TMEM230: variants seen among roughly 807,000 people sequenced by gnomAD.
The protein encoded by TMEM230 is transmembrane protein 230, also known as UPF0414 transmembrane protein C20orf30.
TMEM230 carries 10 observed loss-of-function variants against 15.8 expected under a neutral mutation model. The observed-to-expected ratio is 0.63, with a 90% CI of 0.39 to 1.07. TMEM230 has a LOEUF of 1.07. Among genes scored for constraint, TMEM230 ranks in the 50% least tolerant of loss-of-function variants. The pLI, the probability that TMEM230 is intolerant of heterozygous loss-of-function variation, is 0.01. For synonymous variants in TMEM230, 67 were observed against 76.9 expected (o/e 0.87, Z 0.68); for missense variants, 165 against 193.3 (o/e 0.85, Z 0.87).
At chr20:5,102,712 A>T (rs1220817682) in intron 4 of TMEM230, among the ~76,000 whole-genome samples, 1 of 151,602 alleles carries the variant, frequency 6.6e-6, no homozygotes, top group Non-Finnish European at 1.5e-5. Flanking sequence ...AAAAAAAAGA[A>T]TACTAATCCT....
chr20:5,082,257 TC>T (rs1219180418), intron 3 of TMEM230, among the ~76,000 whole-genome samples: 11 of 149,940 alleles, frequency 7.3e-5, no homozygotes, highest in African/African-American at 2.5e-4. Context: ...TCTCTCTTTT[TC>T]GAGACAGGGT....
chr20:5,078,582 T>C (rs1383406294), intron 3 of TMEM230, among the ~76,000 whole-genome samples: 1 of 152,086 alleles, frequency 6.6e-6, no homozygotes, highest in Non-Finnish European at 1.5e-5. Context: ...TCATTATGGG[T>C]CAACGCGGGG....
chr20:5,106,536 T>C (rs2090101129), intron 3 of TMEM230, among the ~76,000 whole-genome samples: 1 of 152,076 alleles, frequency 6.6e-6, no homozygotes, highest in South Asian at 2.1e-4. Flanking sequence ...CCTGAGCAGC[T>C]GGGGTTACAG....
At chr20:5,089,184 C>T (rs2089439168) in intron 3 of TMEM230, among the ~76,000 whole-genome samples, 1 of 151,778 alleles carries the variant, frequency 6.6e-6, no homozygotes, top group African/African-American at 2.4e-5. Flanking sequence ...ACCATCCTGG[C>T]TAACACGGTG....
intron 3 of TMEM230, among the ~76,000 whole-genome samples, chr20:5,108,810 C>G (rs2090195764): frequency 6.6e-6 from 1 of 152,156 alleles, no homozygotes; most frequent in Non-Finnish European, 1.5e-5. Flanking sequence ...TTAATAAATA[C>G]TGTGTTTTAC....
In TMEM230 at chr20:5,100,583, A is replaced by G. The variant is rs767569524; in HGVS notation, c.*208T>C. The G allele has an allele frequency of 3.2e-5, 43 of 1,341,596 alleles. No homozygotes were observed. Among genetic ancestry groups the G allele is most frequent in the African/African-American group, 4.4e-5 (3 of 67,504 alleles). The allele number at this position is 1,341,596 out of a possible 1,614,324, so 83.1% of individuals were successfully genotyped here. On this transcript the variant is annotated 3_prime_UTR_variant, in exon 5 of 5. Coordinates refer to ENST00000342308, the MANE Select transcript of TMEM230 (RefSeq NM_001009923.2). The stretch of plus-strand genomic sequence containing the variant: ...ACATATTCCTGTGGAAAAACTTGTC[A>G]GGGCCCAGGGATGAAAAATAGAGCT...
rs1431702780 is a variant in TMEM230 at position 5,069,349 on chromosome 20, TC to T, written c.223-1del. On this transcript the variant is annotated splice_acceptor_variant, in intron 3 of 3. Coordinates refer to the TMEM230 transcript ENST00000612323. LOFTEE classifies it high-confidence loss of function. The stretch of plus-strand genomic sequence containing the variant: ...TGTTCCCGTGAGGTGGATTCGAGAC[TC>T]TGAGAAAGAAACACCCCTTCTCAAT... 2 of 1,529,416 alleles carry T rather than the reference TC, an allele frequency of 1.3e-6. No individual in the cohort carries two copies. Among genetic ancestry groups the T allele is most frequent in the African/African-American group, 2.8e-5 (2 of 72,676 alleles). 94.7% of individuals were successfully genotyped at this position (1,529,416 alleles called of 1,614,324 possible). A position where few individuals can be genotyped will look rare whatever the true frequency, so the allele number is the denominator to read the frequency against.
At chr20:5,080,743 T>C (rs2089154561) in intron 3 of TMEM230, among the ~76,000 whole-genome samples, 2 of 152,154 alleles carry the variant, frequency 1.3e-5, no homozygotes. Context: ...ATTTTCACCA[T>C]GTTGCCCAGG....
chr20:5,099,250 T>A (rs1051716230), downstream of TMEM230, among the ~76,000 whole-genome samples: 6 of 145,204 alleles, frequency 4.1e-5, no homozygotes, highest in South Asian at 2.3e-4. Flanking sequence ...CAATCAATAA[T>A]AAATAAAAAA....
intron 3 of TMEM230, among the ~76,000 whole-genome samples, chr20:5,076,867 G>C (rs1250313139): frequency 6.6e-6 from 1 of 151,184 alleles, no homozygotes. Context: ...TAGTACAGAC[G>C]GGGTTTCGCC....
chr20:5,097,799 T>G (rs913477211), downstream of TMEM230, among the ~76,000 whole-genome samples: 9 of 151,728 alleles, frequency 5.9e-5, no homozygotes, highest in Admixed American at 2.0e-4. Flanking sequence ...CACACCCAGC[T>G]AATTTTTGTA....
intron 3 of TMEM230, among the ~76,000 whole-genome samples, chr20:5,078,569 T>G (rs189125611): frequency 6.6e-6 from 1 of 152,334 alleles, no homozygotes; most frequent in East Asian, 1.9e-4. Flanking sequence ...TCGCACTTTG[T>G]GTTCATTATG....
chr20:5,059,609 CTTTAT>C, the TMEM230 span, among the ~76,000 whole-genome samples: 4 of 150,764 alleles, frequency 2.7e-5, no homozygotes, highest in African/African-American at 9.8e-5. Context: ...TTATCCTTGC[CTTTAT>C]TTTATTTTTG....
intron 4 of TMEM230, among the ~76,000 whole-genome samples, chr20:5,105,111 C>T (rs1010514102): frequency 6.6e-6 from 1 of 152,184 alleles, no homozygotes; most frequent in African/African-American, 2.4e-5. Context: ...ATGGCAAAAA[C>T]CCATCTCTAC....
chr20:5,068,302 C>T (rs998976865), downstream of TMEM230: 4 of 152,268 alleles, frequency 2.6e-5, no homozygotes, highest in African/African-American at 2.4e-5. Flanking sequence ...TGCTGGAAAA[C>T]GTAGCTTTTC....
chr20:5,094,683 G>C lies in TMEM230; in HGVS notation c.222+11505C>G, dbSNP rs139346302. On this transcript the variant is annotated intron_variant, in intron 3 of 3. Coordinates refer to the TMEM230 transcript ENST00000612323. ...GATCCCGCCACGGCACTCCAGCCTGGGACAGAGCTAGACTCCATCTCAAAA... is the reference window on the plus strand; with the variant it reads ...GATCCCGCCACGGCACTCCAGCCTGCGACAGAGCTAGACTCCATCTCAAAA... Among the ~76,000 whole-genome samples, 571 of 126,264 alleles carry C rather than the reference G, an allele frequency of 4.5e-3. 10 individuals are homozygous for C. In the East Asian group the frequency reaches 0.051, roughly 11 times the overall value. 82.8% of individuals were successfully genotyped at this position (126,264 alleles called of 152,430 possible). A position where few individuals can be genotyped will look rare whatever the true frequency, so the allele number is the denominator to read the frequency against.
At position 5,100,916 on chromosome 20, in the gene TMEM230, C is replaced by A; in HGVS notation, c.427G>T (p.Val143Phe). 6.2e-7 allele frequency: 1 copy of A among 1,614,138 alleles called. No individual in the cohort carries two copies. The highest frequency in any genetic ancestry group is 8.5e-7 in the Non-Finnish European group (1 of 1,180,014). Residue 143 changes from valine to phenylalanine, a missense_variant, in exon 5 of 5, where the codon GTT (valine) becomes TTT (phenylalanine). By Grantham distance (50) the Val-to-Phe change is conservative (BLOSUM62 -1). Transcript: ENST00000342308. ...AGAATGCCAATGATCAGCACTGGAA[C>A]GGCCCGGTCTGCCCCCTGGTGGCAG...
At chr20:5,070,870 G>T (rs1020933921) in intron 3 of TMEM230, among the ~76,000 whole-genome samples, 1 of 152,066 alleles carries the variant, frequency 6.6e-6, no homozygotes, top group African/African-American at 2.4e-5. Context: ...GCACTCAAGC[G>T]ATCCTCTCAC....
chr20:5,093,190 CGAA>C (rs766196630), intron 3 of TMEM230, among the ~76,000 whole-genome samples: 2 of 152,084 alleles, frequency 1.3e-5, no homozygotes, highest in Non-Finnish European at 2.9e-5. Context: ...TATACATTAA[CGAA>C]GAACTATTCA....
Sources: allele counts gnomAD v4.1 joint callset (sites outside exome capture counted in the v4.1 genomes callset), GRCh38; gene constraint gnomAD v4.1.1; transcripts MANE v1.5; gene names NCBI Gene and HGNC (gene_info 2026-07-23, HGNC 2026-07-21).